ARHGAP10: variants seen among roughly 807,000 people sequenced by gnomAD.
ARHGAP10 encodes the protein Rho GTPase activating protein 10, also known as rho GTPase-activating protein 10.
A neutral mutation model predicts 108.6 loss-of-function variants in ARHGAP10; 87 were observed. That is an observed-to-expected ratio of 0.80 (90% CI 0.67 to 0.96). The LOEUF is 0.96. Among genes scored for constraint, ARHGAP10 ranks in the 40% least tolerant of loss-of-function variants. ARHGAP10 has a pLI of 0.00. For missense variants in ARHGAP10, 939 were observed against 954.5 expected (o/e 0.98, Z 0.21); for synonymous variants, 347 against 341.1 (o/e 1.02, Z -0.19).
At chr4:147,736,120 CTGTGTG>C (rs10644088) in intron 1 of ARHGAP10, among the ~76,000 whole-genome samples, 57 of 144,746 alleles carry the variant, frequency 3.9e-4, no homozygotes, top group Admixed American at 5.6e-4. Flanking sequence ...AATTGTCTAG[CTGTGTG>C]TGTGTGTGTG....
At chr4:147,821,107 A>G (rs555831181) in intron 1 of ARHGAP10, among the ~76,000 whole-genome samples, 1 of 152,278 alleles carries the variant, frequency 6.6e-6, no homozygotes, top group East Asian at 1.9e-4. Flanking sequence ...ATACGGGGCC[A>G]CTGAGCCAGG....
At chr4:147,900,912 C>A (rs1239203399) in intron 10 of ARHGAP10, among the ~76,000 whole-genome samples, 1 of 152,180 alleles carries the variant, frequency 6.6e-6, no homozygotes, top group Non-Finnish European at 1.5e-5. Flanking sequence ...AAGCAATCCT[C>A]CTGCCTCAGC....
At chr4:147,929,071 A>G (rs1448176164) in intron 13 of ARHGAP10, among the ~76,000 whole-genome samples, 1 of 152,158 alleles carries the variant, frequency 6.6e-6, no homozygotes, top group Non-Finnish European at 1.5e-5. Context: ...ACCTTAACAC[A>G]TTTGTATTTC....
intron 15 of ARHGAP10, among the ~76,000 whole-genome samples, chr4:147,951,449 G>C (rs937999331): frequency 6.6e-6 from 1 of 150,876 alleles, no homozygotes; most frequent in African/African-American, 2.4e-5. Flanking sequence ...AATGTAGGGG[G>C]AAAAGGAGAG....
rs146631700 is a variant in ARHGAP10 at position 147,928,235 on chromosome 4, G to C, written c.1229-11590G>C. 3.9e-5 allele frequency among the ~76,000 whole-genome samples: 6 copies of C among 152,244 alleles called. No homozygotes were observed. The East Asian group carries it at 9.7e-4, about 24-fold the overall frequency. On this transcript the variant is annotated intron_variant, in intron 13 of 22. Transcript: ENST00000336498. ...AAATTGTCAGTACTTCCAAAAATACGGGTTTAGACCCAGAAGTGAGTATTT... is the reference window on the plus strand; with the variant it reads ...AAATTGTCAGTACTTCCAAAAATACCGGTTTAGACCCAGAAGTGAGTATTT...
chr4:147,733,220 G>A (rs1473232466), intron 1 of ARHGAP10, among the ~76,000 whole-genome samples: 2 of 152,176 alleles, frequency 1.3e-5, no homozygotes, highest in East Asian at 1.9e-4. Context: ...AAGAAGACAC[G>A]AGATACAGGA....
chr4:148,022,234 G>A (rs965750179), intron 18 of ARHGAP10, among the ~76,000 whole-genome samples: 1 of 152,192 alleles, frequency 6.6e-6, no homozygotes, highest in African/African-American at 2.4e-5. Flanking sequence ...AGGTATACAT[G>A]TGCCATGGTG....
chr4:147,754,469 A>G (rs965712822), intron 1 of ARHGAP10, among the ~76,000 whole-genome samples: 6 of 152,204 alleles, frequency 3.9e-5, no homozygotes, highest in African/African-American at 1.2e-4. Flanking sequence ...CAGTTGGGAT[A>G]GTGTTCAAAA....
At chr4:147,799,809 C>A (rs1731501879) in intron 1 of ARHGAP10, among the ~76,000 whole-genome samples, 2 of 152,082 alleles carry the variant, frequency 1.3e-5, no homozygotes, top group Non-Finnish European at 2.9e-5. Flanking sequence ...GGGTTAGGGT[C>A]AGTTTTTTGG....
intron 18 of ARHGAP10, among the ~76,000 whole-genome samples, chr4:148,020,548 T>G (rs78569028): frequency 6.6e-6 from 1 of 150,780 alleles, no homozygotes; most frequent in Non-Finnish European, 1.5e-5. Context: ...CGTTTTTTGT[T>G]TTTTTTTTTA....
intron 10 of ARHGAP10, among the ~76,000 whole-genome samples, chr4:147,895,000 T>C (rs896022268): frequency 9.2e-5 from 14 of 152,198 alleles, no homozygotes; most frequent in African/African-American, 2.9e-4. Context: ...TGTTTCCATA[T>C]AAATTTTAGA....
intron 1 of ARHGAP10, among the ~76,000 whole-genome samples, chr4:147,757,088 G>A (rs137869195): frequency 1.1e-4 from 17 of 151,692 alleles, no homozygotes; most frequent in African/African-American, 4.1e-4. Context: ...TTAAATTTAC[G>A]GAAAAATATA....
At chr4:147,843,197 TCTC>T (rs1560786024) in intron 3 of ARHGAP10, among the ~76,000 whole-genome samples, 1 of 152,190 alleles carries the variant, frequency 6.6e-6, no homozygotes, top group Non-Finnish European at 1.5e-5. Flanking sequence ...CAGCATCCCA[TCTC>T]CTCCCGTGTC....
chr4:147,985,045 A>C (rs139184157), intron 18 of ARHGAP10, among the ~76,000 whole-genome samples: 31 of 152,284 alleles, frequency 2.0e-4, no homozygotes, highest in Non-Finnish European at 4.0e-4. Context: ...CCTGGTCTCA[A>C]GTTCTCTGCA....
At chr4:147,928,066 G>A (rs951721319) in intron 13 of ARHGAP10, among the ~76,000 whole-genome samples, 4 of 152,152 alleles carry the variant, frequency 2.6e-5, no homozygotes, top group Admixed American at 2.0e-4. Context: ...AACTGAAAAC[G>A]AGGCCAGCCA....
chr4:147,965,220 C>A, intron 17 of ARHGAP10, 91 bp downstream of exon 17: 3 of 881,452 alleles, frequency 3.4e-6, no homozygotes, highest in South Asian at 4.7e-5. Context: ...AACTGGGGAC[C>A]ACACCTGGAA....
chr4:147,839,423 C>G (rs997241755), intron 3 of ARHGAP10, among the ~76,000 whole-genome samples: 5 of 152,090 alleles, frequency 3.3e-5, no homozygotes, highest in African/African-American at 7.2e-5. Context: ...TTCTGGGGAA[C>G]GGATGTAAAA....
At chr4:147,735,645 T>C (rs1011281050) in intron 1 of ARHGAP10, among the ~76,000 whole-genome samples, 2 of 152,080 alleles carry the variant, frequency 1.3e-5, no homozygotes. Flanking sequence ...GCTGACATAA[T>C]AGCAAAGAGA....
chr4:147,812,538 A>T (rs551312432), intron 1 of ARHGAP10, among the ~76,000 whole-genome samples: 1 of 151,598 alleles, frequency 6.6e-6, no homozygotes, highest in East Asian at 1.9e-4. Context: ...GTTTCCTTCC[A>T]GTCTTCCTGG....
Sources: gnomAD v4.1 joint callset for allele counts (sites outside exome capture counted in the v4.1 genomes callset) on GRCh38, gnomAD v4.1.1 for gene constraint, MANE v1.5 for transcripts, NCBI Gene and HGNC (gene_info 2026-07-23, HGNC 2026-07-21) for gene names.